The following DOCK4 variants were observed in gnomAD, a reference collection of about 807,000 sequenced individuals.
DOCK4 encodes the protein dedicator of cytokinesis protein 4.
DOCK4 carries 97 observed loss-of-function variants against 268.1 expected under a neutral mutation model. That is an observed-to-expected ratio of 0.36 (90% CI 0.31 to 0.43). DOCK4 has a LOEUF of 0.43. Among genes scored for constraint, DOCK4 ranks in the 20% least tolerant of loss-of-function variants. DOCK4 has a pLI of 1.00. For synonymous variants in DOCK4, 954 were observed against 887.2 expected (o/e 1.08, Z -1.34); for missense variants, 2,145 against 2,455.7 (o/e 0.87, Z 2.67).
At chr7:112,140,946 A>G (rs1231320559) in intron 1 of DOCK4, among the ~76,000 whole-genome samples, 1 of 152,186 alleles carries the variant, frequency 6.6e-6, no homozygotes, top group East Asian at 1.9e-4. Context: ...GAGGCTCTAC[A>G]GCTGGTAAAA....
intron 1 of DOCK4, among the ~76,000 whole-genome samples, chr7:112,035,469 A>G (rs2135479077): frequency 6.6e-6 from 1 of 152,332 alleles, no homozygotes; most frequent in South Asian, 2.1e-4. Flanking sequence ...ACCAAAGACT[A>G]GAAGATAGAA....
intron 24 of DOCK4, among the ~76,000 whole-genome samples, chr7:111,845,717 T>C (rs1237815907): frequency 1.3e-5 from 2 of 152,134 alleles, no homozygotes; most frequent in Non-Finnish European, 2.9e-5. Flanking sequence ...CTACCAAGAT[T>C]TTCCCTCCAG....
intron 16 of DOCK4, among the ~76,000 whole-genome samples, chr7:111,881,432 G>A (rs1038571245): frequency 2.6e-5 from 4 of 152,188 alleles, no homozygotes; most frequent in Non-Finnish European, 5.9e-5. Context: ...AACAAATGCT[G>A]GTGAAGATGT....
intron 23 of DOCK4, among the ~76,000 whole-genome samples, chr7:111,848,333 A>G (rs1001509162): frequency 1.3e-5 from 2 of 152,160 alleles, no homozygotes; most frequent in African/African-American, 4.8e-5. Flanking sequence ...TGGCTGTGTA[A>G]CCTGAGAAGC....
chr7:111,989,380 A>C (rs974515741), intron 5 of DOCK4, among the ~76,000 whole-genome samples: 8 of 152,172 alleles, frequency 5.3e-5, no homozygotes. Context: ...CACTGCTCTC[A>C]TGTCCAGAAA....
intron 36 of DOCK4, among the ~76,000 whole-genome samples, chr7:111,770,927 CT>C (rs1180787884): frequency 6.6e-6 from 1 of 152,224 alleles, no homozygotes; most frequent in African/African-American, 2.4e-5. Flanking sequence ...GCCAGGGCCC[CT>C]ATCACAGGCA....
chr7:112,163,172 C>T (rs1275963384), intron 1 of DOCK4, among the ~76,000 whole-genome samples: 1 of 152,206 alleles, frequency 6.6e-6, no homozygotes, highest in Non-Finnish European at 1.5e-5. Flanking sequence ...TCACAAGGAA[C>T]AGAGCTTCAC....
intron 1 of DOCK4, among the ~76,000 whole-genome samples, chr7:112,033,579 T>G (rs1312169906): frequency 4.6e-5 from 7 of 152,244 alleles, no homozygotes; most frequent in Admixed American, 1.3e-4. Flanking sequence ...GTATCACTGT[T>G]TTCCTGACCT....
In DOCK4 at chr7:111,867,996, T is replaced by C; in HGVS notation, c.2268A>G (p.Leu756=). 2 of 1,600,726 alleles carry C rather than the reference T, an allele frequency of 1.2e-6. No individual in the cohort carries two copies. The highest frequency in any genetic ancestry group is 1.7e-6 in the Non-Finnish European group (2 of 1,175,322). The part of the protein sequence containing the change: ...LSQESKGSGA[L]SQSQAVFLSS... ...GAAAAGAAATTACCTGTGACTGAGA[T>C]AATGCTCCAGACCCTTTGCTCTCTT... Residue 756 remains leucine, a synonymous_variant, in exon 22 of 53, where the codon TTA becomes TTG. Transcript: ENST00000428084.
chr7:111,731,741 G>A (rs951855209), intron 52 of DOCK4, among the ~76,000 whole-genome samples: 2 of 152,034 alleles, frequency 1.3e-5, no homozygotes, highest in African/African-American at 4.8e-5. Context: ...GAGAAACTTG[G>A]TATAAAATAT....
intron 30 of DOCK4, among the ~76,000 whole-genome samples, chr7:111,800,382 T>C (rs1024177727): frequency 9.2e-5 from 14 of 152,132 alleles, no homozygotes; most frequent in Non-Finnish European, 1.5e-4. Context: ...CAATAACATA[T>C]CTCTCCCGAT....
At chr7:112,036,074 C>T (rs1803728369) in intron 1 of DOCK4, among the ~76,000 whole-genome samples, 1 of 151,708 alleles carries the variant, frequency 6.6e-6, no homozygotes, top group Non-Finnish European at 1.5e-5. Context: ...GTCAGAAGAC[C>T]CATGTCTTTA....
intron 1 of DOCK4, among the ~76,000 whole-genome samples, chr7:112,202,576 T>A (rs954820259): frequency 7.2e-5 from 11 of 152,072 alleles, no homozygotes; most frequent in Non-Finnish European, 1.5e-4. Flanking sequence ...CTGTACACCA[T>A]AAATATATAC....
At chr7:111,882,574 T>A (rs1807482989) in intron 16 of DOCK4, among the ~76,000 whole-genome samples, 1 of 152,186 alleles carries the variant, frequency 6.6e-6, no homozygotes, top group Admixed American at 6.5e-5. Flanking sequence ...AAGCATAGAA[T>A]CCCTTTAGTG....
intron 8 of DOCK4, chr7:111,971,210 G>T (rs60755077): frequency 0.44 from 67,433 of 154,160 alleles, 18,879 homozygotes; most frequent in African/African-American, 0.81. Flanking sequence ...AAACTAACAG[G>T]GCACATTTAA....
intron 1 of DOCK4, among the ~76,000 whole-genome samples, chr7:112,021,972 A>T (rs1802359444): frequency 6.6e-6 from 1 of 152,218 alleles, no homozygotes; most frequent in South Asian, 2.1e-4. Flanking sequence ...TATGCATATG[A>T]TTATTTATGC....
At chr7:112,105,866 A>T (rs1036320804) in intron 1 of DOCK4, among the ~76,000 whole-genome samples, 1 of 151,582 alleles carries the variant, frequency 6.6e-6, no homozygotes, top group Non-Finnish European at 1.5e-5. Context: ...TTTTGAAAAA[A>T]TTTTTGTAGA....
At chr7:112,008,563 G>C (rs1025637380) in intron 1 of DOCK4, among the ~76,000 whole-genome samples, 1 of 152,028 alleles carries the variant, frequency 6.6e-6, no homozygotes, top group South Asian at 2.1e-4. Flanking sequence ...AGTGAAATGG[G>C]GACTCATTCC....
At chr7:112,195,921 G>A (rs746550852) in intron 1 of DOCK4, among the ~76,000 whole-genome samples, 2 of 152,116 alleles carry the variant, frequency 1.3e-5, no homozygotes, top group Non-Finnish European at 2.9e-5. Flanking sequence ...CTCCCACGAG[G>A]GGGCACAAAT....
Sources: gnomAD v4.1 joint callset for allele counts (sites outside exome capture counted in the v4.1 genomes callset) on GRCh38, gnomAD v4.1.1 for gene constraint, MANE v1.5 for transcripts, NCBI Gene and HGNC (gene_info 2026-07-23, HGNC 2026-07-21) for gene names.